PRCC: variants seen among roughly 807,000 people sequenced by gnomAD.
The protein encoded by PRCC is proline rich mitotic checkpoint control factor.
Under a neutral mutation model 44.0 loss-of-function variants are expected in PRCC, and 10 were observed. The ratio of observed to expected loss-of-function variants is 0.23; its 90% confidence interval spans 0.14 to 0.39. The LOEUF (loss-of-function observed/expected upper bound fraction) is 0.39. Among genes scored for constraint, PRCC ranks in the 10% least tolerant of loss-of-function variants. The pLI is 1.00. For synonymous variants in PRCC, 278 were observed against 259.5 expected (o/e 1.07, Z -0.69); for missense variants, 573 against 624.7 (o/e 0.92, Z 0.88).
intron 1 of PRCC, among the ~76,000 whole-genome samples, chr1:156,776,648 A>G (rs1159138911): frequency 6.6e-6 from 1 of 152,184 alleles, no homozygotes; most frequent in African/African-American, 2.4e-5. Flanking sequence ...TTGTTTTTCA[A>G]AGGATCTGAA....
At chr1:156,781,750 T>G (rs1652058219) in intron 1 of PRCC, among the ~76,000 whole-genome samples, 1 of 152,182 alleles carries the variant, frequency 6.6e-6, no homozygotes, top group African/African-American at 2.4e-5. Flanking sequence ...AAGGAATAGA[T>G]TTCTCCAATG....
At chr1:156,797,412 G>C in intron 6 of PRCC, 71 bp downstream of exon 6, 1 of 1,564,392 alleles carries the variant, frequency 6.4e-7, no homozygotes, top group South Asian at 1.1e-5. Flanking sequence ...GCTGAGATAC[G>C]AGTTAGAAGC....
chr1:156,791,554 A>T, intron 3 of PRCC, 143 bp from the exon 4 acceptor site: 1 of 697,138 alleles, frequency 1.4e-6, no homozygotes, highest in Non-Finnish European at 2.4e-6. Flanking sequence ...CTATGCCTTT[A>T]ACTGGTCTGT....
At chr1:156,779,124 ATATATTTTTT>A (rs1187703603) in intron 1 of PRCC, among the ~76,000 whole-genome samples, 18 of 25,178 alleles carry the variant, frequency 7.1e-4, no homozygotes, top group African/African-American at 2.9e-3. Context: ...ATATATATAT[ATATATTTTTT>A]TTTTTTTTTT....
intron 5 of PRCC, 134 bp downstream of exon 5, chr1:156,794,942 C>T: frequency 8.8e-7 from 1 of 1,130,538 alleles, no homozygotes; most frequent in East Asian, 2.4e-5. Context: ...GCCCATGGTA[C>T]TGGAGTATGC....
At position 156,774,156 on chromosome 1, in the gene PRCC, C is replaced by CTTTT. The variant is rs1571573309; in HGVS notation, c.468+5917_468+5918insTTTT. ...GGAGTTTCTTTCTTTTTTTGAGTCA[C>CTTTT]CTTTTTTTTTTTTTTTTTTTTTTTT... On this transcript the variant is annotated intron_variant, in intron 1 of 6. Transcript: ENST00000271526. 5.4e-5 allele frequency among the ~76,000 whole-genome samples: 3 copies of CTTTT among 56,030 alleles called. 1 individual carries two copies. The highest frequency in any genetic ancestry group is 1.8e-4 in the African/African-American group (3 of 16,794). The allele number at this position is 56,030 out of a possible 152,430, so 36.8% of individuals were successfully genotyped here. A position where few individuals can be genotyped will look rare whatever the true frequency, so the allele number is the denominator to read the frequency against.
At chr1:156,785,435 C>T (rs1257028623) in intron 2 of PRCC, among the ~76,000 whole-genome samples, 1 of 151,786 alleles carries the variant, frequency 6.6e-6, no homozygotes, top group Admixed American at 6.6e-5. Context: ...ATTGCTTGAA[C>T]CTGGGAGGCG....
At chr1:156,794,616 C>G (rs943947907) in intron 4 of PRCC, 49 bp from the exon 5 acceptor site, 2 of 1,606,446 alleles carry the variant, frequency 1.2e-6, no homozygotes, top group African/African-American at 2.7e-5. Context: ...GTGGCATCTG[C>G]TGACACCCTT....
At chr1:156,774,240 A>G (rs1019299705) in intron 1 of PRCC, among the ~76,000 whole-genome samples, 5 of 122,974 alleles carry the variant, frequency 4.1e-5, no homozygotes, top group Admixed American at 2.3e-4. Context: ...CAGTGGCTCA[A>G]TCTTGGCTCA....
chr1:156,796,737 G>A (rs1652672138), intron 5 of PRCC: 1 of 152,754 alleles, frequency 6.5e-6, no homozygotes, highest in Non-Finnish European at 1.5e-5. Context: ...AGAGGTGATT[G>A]ATGGGAGCGA....
At chr1:156,792,654 A>G (rs1478774403) in intron 4 of PRCC, among the ~76,000 whole-genome samples, 2 of 152,104 alleles carry the variant, frequency 1.3e-5, no homozygotes, top group African/African-American at 4.8e-5. Context: ...GGGTTTCACC[A>G]CATTGGCCCA....
rs76271348 is a variant in PRCC, at chr1:156,774,157, C to CTTTTTTTTTTTT, written c.468+5943_468+5954dup. On this transcript the variant is annotated intron_variant, in intron 1 of 6. Coordinates refer to ENST00000271526, the MANE Select transcript of PRCC (RefSeq NM_005973.5). Reference sequence around the variant, plus strand: ...GAGTTTCTTTCTTTTTTTGAGTCACCTTTTTTTTTTTTTTTTTTTTTTTTT... The same window carrying CTTTTTTTTTTTT: ...GAGTTTCTTTCTTTTTTTGAGTCACCTTTTTTTTTTTTTTTTTTTTTTTTTTTTTTTTTTTTT... Among the ~76,000 whole-genome samples, 32 of 53,994 alleles carry CTTTTTTTTTTTT rather than the reference C, an allele frequency of 5.9e-4. 8 individuals are homozygous for CTTTTTTTTTTTT. The highest frequency in any genetic ancestry group is 8.4e-4 in the Non-Finnish European group (26 of 31,004). The allele number at this position is 53,994 out of a possible 152,430, so 35.4% of individuals were successfully genotyped here.
chr1:156,794,491 C>A lies in PRCC; in HGVS notation c.1180-174C>A, dbSNP rs547456465. Among the ~76,000 whole-genome samples, 124 of 152,184 alleles carry A rather than the reference C, an allele frequency of 8.1e-4. 1 individual carries two copies. The highest frequency in any genetic ancestry group is 3.7e-3 in the South Asian group (18 of 4,828). ...CAGGAGACGTTCTGAGTAGAAGTAG[C>A]CTTTCATCTGGCATCAAGGGAGTTT... On this transcript the variant is annotated intron_variant, in intron 4 of 6. Coordinates refer to ENST00000271526, the MANE Select transcript of PRCC (RefSeq NM_005973.5).
chr1:156,768,096 G>A lies in PRCC; in HGVS notation c.325G>A (p.Gly109Arg), dbSNP rs761149472. 2.5e-6 allele frequency: 4 copies of A among 1,587,664 alleles called. No homozygotes were observed. The African/African-American group carries it at 5.4e-5, about 21-fold the overall frequency. The change falls in exon 1 of 7, where the codon GGA becomes AGA. Residue 109 changes from glycine to arginine, a missense_variant. Physicochemically the swap from Gly to Arg is moderately radical, Grantham distance 125. Transcript: ENST00000271526. ...AGCGGCGGGAGTTGGGGAGGGACTG[G>A]GATTGGGGTTGCCCTCGCCCCGAGG... ...AEAAGVGEGL[G>R]LGLPSPRGPG...
rs138632179 is a variant in PRCC at position 156,773,622 on chromosome 1, G to T, written c.468+5383G>T. On this transcript the variant is annotated intron_variant, in intron 1 of 6. Coordinates refer to ENST00000271526, the MANE Select transcript of PRCC (RefSeq NM_005973.5). Reference sequence around the variant, plus strand: ...CTAATGGCACAGACCCACTCAGATGGCCATTTGCTGGTCTTTAGCACTCTC... The same window carrying T: ...CTAATGGCACAGACCCACTCAGATGTCCATTTGCTGGTCTTTAGCACTCTC... Among the ~76,000 whole-genome samples, 153 of 152,190 alleles carry T rather than the reference G, an allele frequency of 1.0e-3. 1 individual carries two copies. Among genetic ancestry groups the T allele is most frequent in the African/African-American group, 3.4e-3 (142 of 41,526 alleles).
At chr1:156,795,791 C>T (rs1272393799) in intron 5 of PRCC, 1 of 152,218 alleles carries the variant, frequency 6.6e-6, no homozygotes, top group Non-Finnish European at 1.5e-5. Flanking sequence ...CTTCTCTGTC[C>T]TAGTTTTCTT....
rs139984282 is a variant in PRCC, at chr1:156,787,241, C to T, written c.1083+67C>T. On this transcript the variant is annotated intron_variant, in intron 3 of 6. Transcript: ENST00000271526. ...CATGGTGGTCAAGGAGAGCTTTGAG[C>T]TAGTGATACAGCCTCTGTGGTGTCA... The T allele has an allele frequency of 1.1e-5, 17 of 1,493,404 alleles. No individual in the cohort carries two copies. The African/African-American group carries it at 1.8e-4, about 16-fold the overall frequency. 92.5% of individuals were successfully genotyped at this position (1,493,404 alleles called of 1,614,324 possible). A position where few individuals can be genotyped will look rare whatever the true frequency, so the allele number is the denominator to read the frequency against.
In PRCC at chr1:156,797,326, A is replaced by G; in HGVS notation, c.1374A>G (p.Thr458=). The G allele has an allele frequency of 6.2e-7, 1 of 1,614,202 alleles. No individual in the cohort carries two copies. Among genetic ancestry groups the G allele is most frequent in the Non-Finnish European group, 8.5e-7 (1 of 1,180,026 alleles). The stretch of plus-strand genomic sequence containing the variant: ...AGCAGCGGCGGAAACACCAGATCAC[A>G]TATCTTATTCATCAGGTGAGAGACA... ...TGQQRRKHQI[T]YLIHQAKERE... Residue 458 remains threonine (T), a synonymous_variant, in exon 6 of 7, where the codon ACA becomes ACG. Coordinates refer to ENST00000271526, the MANE Select transcript of PRCC (RefSeq NM_005973.5).
At chr1:156,774,499 T>C (rs1436934960) in intron 1 of PRCC, among the ~76,000 whole-genome samples, 1 of 151,746 alleles carries the variant, frequency 6.6e-6, no homozygotes, top group African/African-American at 2.4e-5. Flanking sequence ...TTCTTTTTTT[T>C]TCAATGAAAC....
Sources: gnomAD v4.1 joint callset for allele counts (sites outside exome capture counted in the v4.1 genomes callset) on GRCh38, gnomAD v4.1.1 for gene constraint, MANE v1.5 for transcripts, NCBI Gene and HGNC (gene_info 2026-07-23, HGNC 2026-07-21) for gene names.